The following MGST1 variants were observed in gnomAD, a reference collection of about 807,000 sequenced individuals.
MGST1 encodes the protein glutathione S-transferase 12.
MGST1 carries 5 observed loss-of-function variants against 8.9 expected under a neutral mutation model. The observed-to-expected ratio is 0.56, with a 90% CI of 0.29 to 1.19. The LOEUF (loss-of-function observed/expected upper bound fraction) is 1.19, where lower values mean the gene tolerates loss of function less well. MGST1 is among the 50% of genes most tolerant of loss of function. The pLI is 0.08. For synonymous variants in MGST1, 54 were observed against 67.8 expected (o/e 0.80, Z 1.00); for missense variants, 182 against 187.4 (o/e 0.97, Z 0.17).
At chr12:16,456,931 A>C (rs1249592949) in intron 4 of MGST1, among the ~76,000 whole-genome samples, 1 of 151,930 alleles carries the variant, frequency 6.6e-6, no homozygotes, top group Non-Finnish European at 1.5e-5. Context: ...ACTAATGCAG[A>C]GTCATTAACA....
chr12:16,374,094 C>A (rs1940342106), intron 3 of MGST1, among the ~76,000 whole-genome samples: 1 of 152,036 alleles, frequency 6.6e-6, no homozygotes, highest in African/African-American at 2.4e-5. Context: ...AGTGTAACAC[C>A]ATTAAATCAC....
chr12:16,552,956 T>G (rs148142240), intron 4 of MGST1, among the ~76,000 whole-genome samples: 1 of 152,092 alleles, frequency 6.6e-6, no homozygotes, highest in Non-Finnish European at 1.5e-5. Context: ...TTCCCACTTA[T>G]GATAATTGAA....
At chr12:16,381,854 C>G (rs1940456339), downstream of MGST1, among the ~76,000 whole-genome samples, 1 of 152,156 alleles carries the variant, frequency 6.6e-6, no homozygotes, top group Non-Finnish European at 1.5e-5. Flanking sequence ...TCTTTTTTCT[C>G]TAAACTTCTC....
chr12:16,477,462 A>G (rs1053408624), intron 4 of MGST1, among the ~76,000 whole-genome samples: 3 of 152,306 alleles, frequency 2.0e-5, no homozygotes, highest in African/African-American at 7.2e-5. Flanking sequence ...CACAAATAGA[A>G]TCCTCCCTAA....
intron 1 of MGST1, among the ~76,000 whole-genome samples, chr12:16,411,377 TAG>T (rs896531573): frequency 6.6e-6 from 1 of 152,150 alleles, no homozygotes; most frequent in African/African-American, 2.4e-5. Context: ...AAATCCTCTA[TAG>T]AGAGTTACCA....
At chr12:16,446,703 C>T (rs917673274) in intron 4 of MGST1, among the ~76,000 whole-genome samples, 1 of 151,850 alleles carries the variant, frequency 6.6e-6, no homozygotes, top group Non-Finnish European at 1.5e-5. Context: ...GACAGCCCCT[C>T]CTATCATCCA....
At chr12:16,433,016 G>T (rs564314212) in intron 1 of MGST1, among the ~76,000 whole-genome samples, 6 of 151,982 alleles carry the variant, frequency 3.9e-5, no homozygotes, top group Non-Finnish European at 5.9e-5. Context: ...GTATATAAAG[G>T]GGAGTTTATT....
intron 1 of MGST1, chr12:16,399,869 T>C (rs1178727794): frequency 8.1e-7 from 1 of 1,236,286 alleles, no homozygotes; most frequent in Admixed American, 1.7e-5. Flanking sequence ...CATATCAAAG[T>C]TCTTCAGGTG....
intron 4 of MGST1, among the ~76,000 whole-genome samples, chr12:16,485,937 T>A (rs138115482): frequency 8.7e-4 from 133 of 152,246 alleles, no homozygotes; most frequent in Middle Eastern, 6.8e-3. Context: ...CTTGTTTAAT[T>A]TTCTCTTTTG....
At chr12:16,426,499 G>A (rs1466284575) in intron 1 of MGST1, among the ~76,000 whole-genome samples, 1 of 151,984 alleles carries the variant, frequency 6.6e-6, no homozygotes, top group Non-Finnish European at 1.5e-5. Context: ...AATTTTTATT[G>A]CATTCATTCA....
rs114714413 is a variant in MGST1 at position 16,393,641 on chromosome 12, G to A, written n.778+10037G>A. ...GATGCCCTCTGATCTTGAGGGACAT[G>A]GGTTTGAGGAAAGAAAGTACACTGT... On this transcript the variant is annotated intron_variant and non_coding_transcript_variant, in intron 1 of 1. Coordinates refer to the MGST1 transcript ENST00000359720. Among the ~76,000 whole-genome samples the A allele has an allele frequency of 4.4e-3, 665 of 152,320 alleles. 7 individuals are homozygous for A. The highest frequency in any genetic ancestry group is 0.015 in the African/African-American group (644 of 41,568).
Position 16,513,506 on chromosome 12 carries a change from G to T in MGST1, n.483-76022G>T. On this transcript the variant is annotated intron_variant and non_coding_transcript_variant, in intron 4 of 4. Transcript: ENST00000538857. This position sits in a 1 kb window ranked among gnomAD's most constrained non-coding sequence, Gnocchi z 4.2. ...TCCTGGTGGACCCATGTGGAGATGG[G>T]ACCACCAGATCCCATCCTTGGAGTC... 2.1e-6 allele frequency: 1 copy of T among 473,244 alleles called. No homozygotes were observed. The highest frequency in any genetic ancestry group is 4.3e-6 in the Non-Finnish European group (1 of 231,146). 29.3% of individuals were successfully genotyped at this position (473,244 alleles called of 1,614,324 possible).
intron 1 of MGST1, chr12:16,399,303 G>C (rs1387064725): frequency 1.2e-6 from 2 of 1,606,376 alleles, no homozygotes. Flanking sequence ...GGGGGGTGCA[G>C]AGCTGTGTGT....
chr12:16,502,743 T>C (rs1335845358), intron 4 of MGST1, among the ~76,000 whole-genome samples: 1 of 152,138 alleles, frequency 6.6e-6, no homozygotes, highest in Non-Finnish European at 1.5e-5. Flanking sequence ...CTCTTGCTCC[T>C]CCCCCTCCCA....
downstream of MGST1, among the ~76,000 whole-genome samples, chr12:16,379,294 T>G (rs1940426956): frequency 6.6e-6 from 1 of 152,202 alleles, no homozygotes; most frequent in Non-Finnish European, 1.5e-5. Context: ...TTGTCATAGA[T>G]AGCTCTTATT....
intron 4 of MGST1, among the ~76,000 whole-genome samples, chr12:16,583,310 T>G (rs971759746): frequency 4.6e-5 from 7 of 151,806 alleles, no homozygotes; most frequent in African/African-American, 1.7e-4. Flanking sequence ...AGACTGTTCT[T>G]TTTTTTTAAA....
chr12:16,591,374 C>T (rs1382132236), downstream of MGST1, among the ~76,000 whole-genome samples: 1 of 152,034 alleles, frequency 6.6e-6, no homozygotes, highest in African/African-American at 2.4e-5. The surrounding 1 kb of genome is among the most constrained non-coding windows in gnomAD (Gnocchi z 4.1). Context: ...AGGCTGTCTG[C>T]ACCCCCTCCA....
intron 4 of MGST1, among the ~76,000 whole-genome samples, chr12:16,462,071 A>C (rs921161279): frequency 1.3e-5 from 2 of 152,094 alleles, no homozygotes; most frequent in African/African-American, 4.8e-5. Flanking sequence ...TGGAAAAAAA[A>C]CCTGTGATCA....
At chr12:16,398,706 A>C (rs746422424) in intron 1 of MGST1, among the ~76,000 whole-genome samples, 9 of 152,242 alleles carry the variant, frequency 5.9e-5, no homozygotes, top group Non-Finnish European at 1.2e-4. Flanking sequence ...GAGGCAAGGA[A>C]GCAGGAAAAC....
Sources: allele counts gnomAD v4.1 joint callset (sites outside exome capture counted in the v4.1 genomes callset), GRCh38; gene constraint gnomAD v4.1.1; non-coding constraint Gnocchi (gnomAD v3.1); transcripts MANE v1.5; gene names NCBI Gene and HGNC (gene_info 2026-07-23, HGNC 2026-07-21).